GABPB2: variants seen among roughly 807,000 people sequenced by gnomAD.
The protein encoded by GABPB2 is GA binding protein transcription factor subunit beta 2, also known as GA-binding protein subunit beta-2.
In GABPB2, 23 loss-of-function variants were observed where a neutral mutation model predicts 39.1. The ratio of observed to expected loss-of-function variants is 0.59; its 90% CI spans 0.42 to 0.83. The LOEUF (loss-of-function observed/expected upper bound fraction) is 0.83, where lower values mean the gene tolerates loss of function less well. GABPB2 is among the 40% of genes least tolerant of loss of function. The pLI, the probability that GABPB2 is intolerant of heterozygous loss-of-function variation, is 0.00. For missense variants in GABPB2, 467 were observed against 541.1 expected, an observed-to-expected ratio of 0.86 and a Z score of 1.36; for synonymous variants, 184 against 199.3, an observed-to-expected ratio of 0.92 and a Z score of 0.65.
rs1681014629 is a variant in GABPB2 at position 151,118,032 on chromosome 1, C to T, written c.1123C>T (p.Leu375Phe). Residue 375 changes from leucine to phenylalanine, a missense_variant, in exon 9 of 9, where the codon CTC becomes TTC. By Grantham distance (22) the Leu-to-Phe change is conservative. Transcript: ENST00000368918. ...NRRAQEYRHQ[L>F]LKKEQEAEQY... Reference sequence around the variant, plus strand: ...AAGAGCCCAGGAATACCGACACCAGCTCCTAAAGAAAGAGCAGGAAGCAGA... The same window carrying T: ...AAGAGCCCAGGAATACCGACACCAGTTCCTAAAGAAAGAGCAGGAAGCAGA... 2 of 1,614,070 alleles carry T rather than the reference C, an allele frequency of 1.2e-6. No individual in the cohort carries two copies. The highest frequency in any genetic ancestry group is 2.7e-5 in the African/African-American group (2 of 74,928).
At position 151,121,986 on chromosome 1, in the gene GABPB2, A is replaced by C. The variant is rs587714452; in HGVS notation, c.*3730A>C. 2 of 152,174 alleles carry C rather than the reference A, an allele frequency of 1.3e-5. No individual in the cohort carries two copies. The highest frequency in any genetic ancestry group is 2.9e-5 in the Non-Finnish European group (2 of 68,030). The allele number at this position is 152,174 out of a possible 1,614,324, so 9.4% of individuals were successfully genotyped here. ...CTTAATTAGCAGTCATGGGGAAAAC[A>C]TGCATTTTTAATTTGGAAAAAACCT... On this transcript the variant is annotated 3_prime_UTR_variant, in exon 9 of 9. Coordinates refer to ENST00000368918, the MANE Select transcript of GABPB2 (RefSeq NM_144618.3).
intron 7 of GABPB2, among the ~76,000 whole-genome samples, chr1:151,108,764 A>G (rs2101552374): frequency 6.6e-6 from 1 of 152,240 alleles, no homozygotes. Context: ...GAGGCTTTTC[A>G]ATGTATATGC....
chr1:151,083,615 CAG>C (rs1000705977), intron 1 of GABPB2, among the ~76,000 whole-genome samples: 44 of 150,318 alleles, frequency 2.9e-4, no homozygotes, highest in African/African-American at 9.6e-4. Flanking sequence ...GCCTGGGTGA[CAG>C]GGCAAGACTC....
intron 5 of GABPB2, among the ~76,000 whole-genome samples, chr1:151,099,084 CAAA>C (rs200277830): frequency 1.2e-4 from 13 of 110,604 alleles, no homozygotes; most frequent in Admixed American, 2.7e-4. Context: ...AACTTCATCT[CAAA>C]AAAAAAAAAA....
chr1:151,088,272 A>T lies in GABPB2; in HGVS notation c.83A>T (p.Asn28Ile), dbSNP rs148645991. ...GATGAAGTGAGAACGTTGATGGCAA[A>T]TGGCGCCCCATTCACCACAGACTGG... ...QDDEVRTLMA[N>I]GAPFTTDWLG... Residue 28 changes from asparagine (N) to isoleucine (I), a missense_variant, in exon 2 of 9, where the codon AAT (asparagine) becomes ATT (isoleucine). Physicochemically the swap from Asn to Ile is moderately radical, Grantham distance 149. Transcript: ENST00000368918. The T allele has an allele frequency of 2.4e-5, 38 of 1,613,712 alleles. No homozygotes were observed. The highest frequency in any genetic ancestry group is 3.2e-5 in the Non-Finnish European group (38 of 1,179,830).
At chr1:151,096,317 T>G (rs772234862) in intron 4 of GABPB2, among the ~76,000 whole-genome samples, 1 of 151,798 alleles carries the variant, frequency 6.6e-6, no homozygotes, top group Non-Finnish European at 1.5e-5. Flanking sequence ...TCCCAGCTAC[T>G]TGGGAGGCTG....
intron 5 of GABPB2, among the ~76,000 whole-genome samples, chr1:151,098,984 T>C (rs1254620389): frequency 1.3e-5 from 2 of 150,996 alleles, no homozygotes; most frequent in South Asian, 2.1e-4. Context: ...CTTGTGAGAT[T>C]GAGGCAGGAG....
At chr1:151,103,081 G>T (rs1162256813) in intron 5 of GABPB2, among the ~76,000 whole-genome samples, 1 of 120,362 alleles carries the variant, frequency 8.3e-6, no homozygotes, top group Non-Finnish European at 1.6e-5. Flanking sequence ...AAGGAGTCTC[G>T]CTCTGTCGCC....
intron 7 of GABPB2, among the ~76,000 whole-genome samples, chr1:151,114,250 G>A (rs1342101691): frequency 2.0e-5 from 3 of 151,960 alleles, no homozygotes; most frequent in Non-Finnish European, 4.4e-5. Context: ...CAGCTACTTG[G>A]GAGGGTCACT....
chr1:151,078,568 G>A lies in GABPB2; in HGVS notation c.-1+7634G>A, dbSNP rs1254738543. Among the ~76,000 whole-genome samples, 3 of 151,988 alleles carry A rather than the reference G, an allele frequency of 2.0e-5. 1 individual carries two copies. The East Asian group carries it at 5.8e-4, about 30-fold the overall frequency. ...AGATCGCGCCACTGCACTCTAGCCT[G>A]GGCCACAGAGCAAGACTCCGTCTCA... On this transcript the variant is annotated intron_variant, in intron 1 of 8. Transcript: ENST00000368918.
intron 7 of GABPB2, chr1:151,112,241 A>C (rs939474634): frequency 6.6e-6 from 1 of 151,362 alleles, no homozygotes; most frequent in African/African-American, 2.4e-5. Context: ...AAAAAAAAAA[A>C]AAAAAACCTA....
At chr1:151,098,096 C>T (rs771332503) in intron 5 of GABPB2, 94 bp downstream of exon 5, 2 of 1,015,856 alleles carry the variant, frequency 2.0e-6, no homozygotes, top group Non-Finnish European at 2.9e-6. Context: ...TTCTAATACT[C>T]CTTAATTAAA....
chr1:151,078,304 T>C (rs1677362260), intron 1 of GABPB2, among the ~76,000 whole-genome samples: 1 of 132,784 alleles, frequency 7.5e-6, no homozygotes, highest in Non-Finnish European at 1.6e-5. Flanking sequence ...GAATAAAAAT[T>C]CATTTTACAC....
intron 5 of GABPB2, among the ~76,000 whole-genome samples, chr1:151,101,297 T>C (rs1679505102): frequency 6.8e-6 from 1 of 147,586 alleles, no homozygotes; most frequent in Non-Finnish European, 1.5e-5. Context: ...ATATATTGCT[T>C]AGTGTGCTGG....
intron 1 of GABPB2, among the ~76,000 whole-genome samples, chr1:151,074,477 AT>A (rs35884850): frequency 4.7e-4 from 64 of 135,642 alleles, no homozygotes; most frequent in African/African-American, 6.9e-4. Flanking sequence ...TGCCCAGCTA[AT>A]TTTTTTTTTT....
rs182499799 is a variant in GABPB2, at chr1:151,101,555, C to T, written c.623-2007C>T. On this transcript the variant is annotated intron_variant, in intron 5 of 8. Transcript: ENST00000368918. Reference sequence around the variant, plus strand: ...CGCCACTGCACTCCAGTCTGGGCAACAAGAGCAAAACTCCGTCTCAAAAAA... The same window carrying T: ...CGCCACTGCACTCCAGTCTGGGCAATAAGAGCAAAACTCCGTCTCAAAAAA... 5.2e-4 allele frequency among the ~76,000 whole-genome samples: 78 copies of T among 149,956 alleles called. No homozygotes were observed. In the Middle Eastern group the frequency reaches 0.017, roughly 33 times the overall value.
intron 3 of GABPB2, among the ~76,000 whole-genome samples, chr1:151,091,660 G>A (rs924847620): frequency 1.3e-5 from 2 of 151,096 alleles, no homozygotes; most frequent in African/African-American, 4.9e-5. Flanking sequence ...TGTATTTTTA[G>A]TAGAGATGGG....
intron 3 of GABPB2, among the ~76,000 whole-genome samples, chr1:151,091,561 G>A (rs1195163035): frequency 6.9e-6 from 1 of 144,790 alleles, no homozygotes; most frequent in African/African-American, 2.6e-5. Context: ...TGTAACCTTC[G>A]CCTCCTGGGT....
At chr1:151,100,096 C>G (rs947130734) in intron 5 of GABPB2, among the ~76,000 whole-genome samples, 4 of 151,742 alleles carry the variant, frequency 2.6e-5, no homozygotes, top group African/African-American at 9.7e-5. Context: ...TCAGAACATT[C>G]ACAATCTTTT....
Sources: gnomAD v4.1 joint callset for allele counts (sites outside exome capture counted in the v4.1 genomes callset) on GRCh38, gnomAD v4.1.1 for gene constraint, MANE v1.5 for transcripts, NCBI Gene and HGNC (gene_info 2026-07-23, HGNC 2026-07-21) for gene names.